Variants in DMD observed in about 807,000 individuals in gnomAD.
DMD encodes mutant dystrophin.
In DMD, 63 loss-of-function variants were observed where a neutral mutation model predicts 330.1. The ratio of observed to expected loss-of-function variants is 0.19; its 90% CI spans 0.16 to 0.24. The LOEUF (loss-of-function observed/expected upper bound fraction) is 0.24, where lower values mean the gene tolerates loss of function less well. Among genes scored for constraint, DMD ranks in the 10% least tolerant of loss-of-function variants. The pLI is 1.00. For synonymous variants in DMD, 1,223 were observed against 959.8 expected (o/e 1.27, Z -5.07); for missense variants, 3,344 against 2,684.1 (o/e 1.25, Z -5.43).
chrX:32,149,079 A>G (rs1290466429), intron 44 of DMD, among the ~76,000 whole-genome samples: 1 of 112,014 alleles, frequency 8.9e-6, no homozygotes, highest in Admixed American at 9.5e-5. Flanking sequence ...ATGAAAGTAG[A>G]AAAAGGCAGC....
chrX:31,323,218 G>A (rs1272283102), intron 62 of DMD, among the ~76,000 whole-genome samples: 3 of 111,542 alleles, frequency 2.7e-5, no homozygotes, highest in Non-Finnish European at 5.6e-5. Flanking sequence ...ATATAACTGC[G>A]GAAATCTTCT....
intron 49 of DMD, among the ~76,000 whole-genome samples, chrX:31,825,552 GTATC>G (rs1463200239): frequency 1.8e-5 from 2 of 111,421 alleles, no homozygotes; most frequent in Non-Finnish European, 3.8e-5. Context: ...CATGGTGTAA[GTATC>G]TCAGTGATTT....
At chrX:32,777,917 GCATGCACATAATTATATACC>G (rs2148512555) in intron 7 of DMD, among the ~76,000 whole-genome samples, 1 of 112,258 alleles carries the variant, frequency 8.9e-6, no homozygotes, top group Non-Finnish European at 1.9e-5. Context: ...GTCCATGTGT[GCATGCACATAATTATATACC>G]CATGCACATG....
intron 49 of DMD, among the ~76,000 whole-genome samples, chrX:31,834,699 CA>C (rs1014124287): frequency 3.6e-5 from 4 of 111,678 alleles, no homozygotes; most frequent in African/African-American, 1.3e-4. Context: ...CTCGGCCTCG[CA>C]AAGTGCTGGG....
At chrX:32,133,795 C>T (rs1470883015) in intron 44 of DMD, among the ~76,000 whole-genome samples, 1 of 111,340 alleles carries the variant, frequency 9.0e-6, no homozygotes, top group Non-Finnish European at 1.9e-5. Context: ...ATCATCTTCT[C>T]ACACTTAGAA....
At chrX:31,139,971 T>C (rs1025869560) in intron 76 of DMD, among the ~76,000 whole-genome samples, 2 of 112,710 alleles carry the variant, frequency 1.8e-5, no homozygotes, top group African/African-American at 3.2e-5. Flanking sequence ...AGGAAAGACA[T>C]AGTCAAAGTT....
intron 1 of DMD, among the ~76,000 whole-genome samples, chrX:33,229,995 A>T (rs778713414): frequency 1.8e-5 from 2 of 112,512 alleles, no homozygotes; most frequent in South Asian, 7.2e-4. Context: ...TTTCTAATAT[A>T]CTTACAATGT....
At chrX:33,033,554 C>CAAAAAAAAAAAAAAAAAAAAAAAAA (rs775790760) in intron 1 of DMD, among the ~76,000 whole-genome samples, 15 of 74,507 alleles carry the variant, frequency 2.0e-4, no homozygotes, top group Admixed American at 4.4e-4. Flanking sequence ...ACTAAAAATA[C>CAAAAAAAAAAAAAAAAAAAAAAAAA]AAAAAAAAAA....
chrX:33,108,467 A>C (rs1480039692), intron 1 of DMD, among the ~76,000 whole-genome samples: 1 of 7,354 alleles, frequency 1.4e-4, no homozygotes, highest in Non-Finnish European at 2.2e-4. Context: ...GGGTTTCACT[A>C]TGTTGGCCAG....
chrX:32,620,500 T>C (rs1394597977), intron 11 of DMD, among the ~76,000 whole-genome samples: 4 of 112,503 alleles, frequency 3.6e-5, no homozygotes, highest in African/African-American at 1.3e-4. Flanking sequence ...TGAGGAACAT[T>C]GCAATCAGAA....
At chrX:32,819,952 G>A (rs2078092584) in intron 5 of DMD, among the ~76,000 whole-genome samples, 1 of 111,184 alleles carries the variant, frequency 9.0e-6, no homozygotes, top group African/African-American at 3.3e-5. Flanking sequence ...TTTAGAACAG[G>A]GCAGTGTGAT....
intron 2 of DMD, among the ~76,000 whole-genome samples, chrX:32,932,766 C>G (rs1240026009): frequency 9.0e-6 from 1 of 111,604 alleles, no homozygotes; most frequent in Admixed American, 9.5e-5. Context: ...GTGTATCTGA[C>G]TACCAGTTTC....
At chrX:32,237,043 C>T (rs1207402067) in intron 43 of DMD, among the ~76,000 whole-genome samples, 1 of 111,310 alleles carries the variant, frequency 9.0e-6, no homozygotes, top group Non-Finnish European at 1.9e-5. Context: ...GAAGTCTTTG[C>T]ATTGTACAGG....
At chrX:32,600,891 A>C (rs1039960851) in intron 12 of DMD, among the ~76,000 whole-genome samples, 5 of 111,265 alleles carry the variant, frequency 4.5e-5, no homozygotes, top group Admixed American at 2.9e-4. Context: ...AAGTATCTTA[A>C]AAAAGCTGTC....
chrX:32,954,080 G>T (rs879135976), intron 2 of DMD, among the ~76,000 whole-genome samples: 2 of 112,040 alleles, frequency 1.8e-5, no homozygotes, highest in Admixed American at 9.5e-5. Flanking sequence ...TGATAGAAAA[G>T]AATCAAGCTT....
At chrX:32,142,299 G>T (rs2072319735) in intron 44 of DMD, among the ~76,000 whole-genome samples, 1 of 111,864 alleles carries the variant, frequency 8.9e-6, no homozygotes, top group African/African-American at 3.3e-5. Context: ...TTTGAATATT[G>T]TCAGAAGACT....
At chrX:32,244,140 A>G (rs1413254504) in intron 43 of DMD, among the ~76,000 whole-genome samples, 5 of 82,629 alleles carry the variant, frequency 6.1e-5, no homozygotes, top group African/African-American at 1.9e-4. Flanking sequence ...AGAGTGTGAT[A>G]TTCCCCTTCC....
At chrX:32,683,787 T>TA (rs113472494) in intron 9 of DMD, among the ~76,000 whole-genome samples, 133 of 93,009 alleles carry the variant, frequency 1.4e-3, no homozygotes, top group Non-Finnish European at 2.1e-3. Flanking sequence ...AAAAGTATAA[T>TA]AAAAAAAAAA....
Position 32,282,785 on chromosome X carries a change from A to G in DMD, c.6290+4744T>C, listed in dbSNP as rs1017002651. Among the ~76,000 whole-genome samples the G allele has an allele frequency of 5.3e-5, 6 of 112,563 alleles. No homozygotes were observed. In the South Asian group the frequency reaches 1.8e-3, roughly 34 times the overall value. ...TTTAGTATGTGCTTAGGCAAGTCAC[A>G]TAACATCTTTGAAATATAGTTTTCT... On this transcript the variant is annotated intron_variant, in intron 43 of 78. Transcript: ENST00000357033.
Sources: gnomAD v4.1 joint callset for allele counts (sites outside exome capture counted in the v4.1 genomes callset) on GRCh38, gnomAD v4.1.1 for gene constraint, MANE v1.5 for transcripts, NCBI Gene and HGNC (gene_info 2026-07-23, HGNC 2026-07-21) for gene names.